FNDC3A: variants seen among roughly 807,000 people sequenced by gnomAD.
FNDC3A encodes the protein fibronectin type-III domain-containing protein 3A.
Under a neutral mutation model 148.9 loss-of-function variants are expected in FNDC3A, and 32 were observed. That is an observed-to-expected ratio of 0.21 (90% CI 0.16 to 0.29). The LOEUF is 0.29. Ranked by LOEUF, FNDC3A falls within the 10% of genes least tolerant of loss-of-function variation. The pLI, the probability that FNDC3A is intolerant of heterozygous loss-of-function variation, is 1.00. For synonymous variants in FNDC3A, 472 were observed against 473.6 expected (o/e 1.00, Z 0.04); for missense variants, 1,191 against 1,452.8 (o/e 0.82, Z 2.93).
At chr13:49,180,909 T>A (rs562836735) in intron 14 of FNDC3A, among the ~76,000 whole-genome samples, 35 of 151,142 alleles carry the variant, frequency 2.3e-4, no homozygotes, top group Admixed American at 9.9e-4. Context: ...AAAAAAAAAA[T>A]TTGTTTTTTC....
At chr13:49,162,457 T>G (rs373916650) in intron 8 of FNDC3A, among the ~76,000 whole-genome samples, 2 of 152,334 alleles carry the variant, frequency 1.3e-5, no homozygotes, top group East Asian at 3.9e-4. Flanking sequence ...TTCAGCTCCA[T>G]CAGATCATTT....
Position 49,063,619 on chromosome 13 carries a change from G to A in FNDC3A, c.100-11670G>A, listed in dbSNP as rs146054789. On this transcript the variant is annotated intron_variant, in intron 2 of 25. Transcript: ENST00000492622. Reference sequence around the variant, plus strand: ...ATTGATTGGGTATACATTATTCCTTGTATCACAAATTCCAGGAAAATGAAG... The same window carrying A: ...ATTGATTGGGTATACATTATTCCTTATATCACAAATTCCAGGAAAATGAAG... Among the ~76,000 whole-genome samples the A allele has an allele frequency of 2.0e-3, 312 of 152,226 alleles. 3 individuals carry two copies. The highest frequency in any genetic ancestry group is 7.1e-3 in the African/African-American group (296 of 41,544).
At chr13:49,152,497 C>G (rs879526159) in intron 8 of FNDC3A, among the ~76,000 whole-genome samples, 10 of 143,664 alleles carry the variant, frequency 7.0e-5, no homozygotes, top group Non-Finnish European at 1.5e-4. Context: ...GGGTAGATTG[C>G]AAAAAAAATT....
chr13:49,104,478 C>G (rs971045345), intron 3 of FNDC3A, among the ~76,000 whole-genome samples: 1 of 101,196 alleles, frequency 9.9e-6, no homozygotes, highest in African/African-American at 3.9e-5. Context: ...GAGCTGAGAT[C>G]GCGCCACTGC....
At chr13:49,185,872 T>C (rs1885540860) in intron 14 of FNDC3A, 92 bp from the exon 15 acceptor site, 2 of 957,044 alleles carry the variant, frequency 2.1e-6, no homozygotes, top group South Asian at 1.6e-5. Flanking sequence ...TATCATTTGG[T>C]TGAAGCTGTT....
At chr13:49,188,758 G>A (rs1424559777) in intron 17 of FNDC3A, 125 bp downstream of exon 17, 2 of 689,524 alleles carry the variant, frequency 2.9e-6, no homozygotes, top group Non-Finnish European at 5.2e-6. Context: ...TCTGTAACCT[G>A]TTGGGTTAAT....
At chr13:49,152,415 T>C (rs1316751418) in intron 8 of FNDC3A, among the ~76,000 whole-genome samples, 1 of 152,190 alleles carries the variant, frequency 6.6e-6, no homozygotes, top group Non-Finnish European at 1.5e-5. Context: ...CACTTTTTCA[T>C]GGGGTTGATT....
intron 1 of FNDC3A, among the ~76,000 whole-genome samples, chr13:48,985,648 A>G (rs994735575): frequency 1.3e-5 from 2 of 152,188 alleles, no homozygotes; most frequent in African/African-American, 4.8e-5. Flanking sequence ...GACACAATTC[A>G]TACACACACA....
chr13:49,052,049 GCTAT>G (rs1288146656), intron 2 of FNDC3A, among the ~76,000 whole-genome samples: 6 of 151,958 alleles, frequency 3.9e-5, no homozygotes, highest in South Asian at 4.2e-4. Context: ...TCATATTTAT[GCTAT>G]CTATTTCACT....
At chr13:49,052,629 T>C (rs151280445) in intron 2 of FNDC3A, among the ~76,000 whole-genome samples, 63 of 152,304 alleles carry the variant, frequency 4.1e-4, no homozygotes, top group African/African-American at 9.9e-4. Flanking sequence ...TTTTGTTTAG[T>C]GTGCTGGTTT....
At chr13:48,995,614 A>G (rs574211436) in intron 1 of FNDC3A, among the ~76,000 whole-genome samples, 3 of 152,310 alleles carry the variant, frequency 2.0e-5, no homozygotes, top group Non-Finnish European at 4.4e-5. Flanking sequence ...ATTGCTTATT[A>G]TGTCTTCATA....
intron 14 of FNDC3A, 59 bp from the exon 15 acceptor site, chr13:49,185,905 T>G: frequency 1.5e-6 from 2 of 1,335,158 alleles, no homozygotes; most frequent in Non-Finnish European, 2.1e-6. Context: ...CTTTGTTTAT[T>G]AAGCCAGTAT....
Position 49,187,355 on chromosome 13 carries a change from T to C in FNDC3A, c.1825+165T>C, listed in dbSNP as rs1032074785. ...TGGGTTGTCCTGGATTTTTTTTTTT[T>C]AATGTCATAAGTTTATTGACAAACA... is the stretch of plus-strand genomic sequence containing the variant. On this transcript the variant is annotated intron_variant, in intron 16 of 25. Coordinates refer to ENST00000492622, the MANE Select transcript of FNDC3A (RefSeq NM_001079673.2). 3 of 820,728 alleles carry C rather than the reference T, an allele frequency of 3.7e-6. No homozygotes were observed. The African/African-American group carries it at 5.3e-5, about 15-fold the overall frequency. 50.8% of individuals were successfully genotyped at this position (820,728 alleles called of 1,614,324 possible).
intron 3 of FNDC3A, among the ~76,000 whole-genome samples, chr13:49,078,379 A>G (rs1301210617): frequency 6.6e-6 from 1 of 152,180 alleles, no homozygotes; most frequent in Non-Finnish European, 1.5e-5. Context: ...ACTAACTACC[A>G]TGAGAAGATA....
chr13:49,090,915 G>T (rs1879150169), intron 3 of FNDC3A, among the ~76,000 whole-genome samples: 1 of 152,070 alleles, frequency 6.6e-6, no homozygotes, highest in Non-Finnish European at 1.5e-5. Flanking sequence ...GATTGCTTGA[G>T]CCCAGGAGTT....
chr13:49,150,858 T>C (rs1252880243), intron 8 of FNDC3A, among the ~76,000 whole-genome samples: 1 of 148,238 alleles, frequency 6.7e-6, no homozygotes, highest in East Asian at 2.0e-4. Context: ...GGCAGGGGAA[T>C]CGCTTGAACC....
intron 7 of FNDC3A, 84 bp from the exon 8 acceptor site, chr13:49,145,694 T>C (rs1882951543): frequency 1.0e-5 from 11 of 1,067,968 alleles, no homozygotes; most frequent in Non-Finnish European, 1.5e-5. Flanking sequence ...TTTTATTTAA[T>C]CTTGAAACCT....
intron 3 of FNDC3A, among the ~76,000 whole-genome samples, chr13:49,103,688 A>G (rs1879995775): frequency 6.6e-6 from 1 of 152,210 alleles, no homozygotes; most frequent in Non-Finnish European, 1.5e-5. Context: ...TATTTAGGAG[A>G]TAAAACTGTC....
chr13:49,093,681 G>T (rs905785218), intron 3 of FNDC3A, among the ~76,000 whole-genome samples: 1 of 152,078 alleles, frequency 6.6e-6, no homozygotes, highest in Non-Finnish European at 1.5e-5. Flanking sequence ...ACCTAAGATG[G>T]TGCTCTACTC....
Sources: allele counts gnomAD v4.1 joint callset (sites outside exome capture counted in the v4.1 genomes callset), GRCh38; gene constraint gnomAD v4.1.1; transcripts MANE v1.5; gene names NCBI Gene and HGNC (gene_info 2026-07-23, HGNC 2026-07-21).